The following ARHGEF10L variants were observed in gnomAD, a reference collection of about 807,000 sequenced individuals.
ARHGEF10L encodes rho guanine nucleotide exchange factor 10-like protein.
Under a neutral mutation model 141.2 loss-of-function variants are expected in ARHGEF10L, and 69 were observed. The observed-to-expected ratio is 0.49, with a 90% CI of 0.40 to 0.60. The LOEUF (loss-of-function observed/expected upper bound fraction) is 0.60. Among genes scored for constraint, ARHGEF10L ranks in the 20% least tolerant of loss-of-function variants. The pLI, the probability that ARHGEF10L is intolerant of heterozygous loss-of-function variation, is 0.00. For synonymous variants in ARHGEF10L, 711 were observed against 718.5 expected (o/e 0.99, Z 0.17); for missense variants, 1,482 against 1,734.3 (o/e 0.85, Z 2.58).
intron 26 of ARHGEF10L, among the ~76,000 whole-genome samples, chr1:17,666,999 T>G (rs2063025450): frequency 6.6e-6 from 1 of 151,818 alleles, no homozygotes; most frequent in Non-Finnish European, 1.5e-5. Context: ...AGGAAGGACA[T>G]GTCTGACCCC....
At chr1:17,555,303 A>T (rs1445322283) in intron 1 of ARHGEF10L, among the ~76,000 whole-genome samples, 2 of 151,404 alleles carry the variant, frequency 1.3e-5, no homozygotes, top group Non-Finnish European at 2.9e-5. Context: ...CAGGGCACAG[A>T]TGTTTCCCCA....
At position 17,696,935 on chromosome 1, in the gene ARHGEF10L, G is replaced by A. The variant is rs765652001; in HGVS notation, c.3395G>A (p.Arg1132Gln). 28 of 1,612,434 alleles carry A rather than the reference G, an allele frequency of 1.7e-5. No individual in the cohort carries two copies. Among genetic ancestry groups the A allele is most frequent in the East Asian group, 4.5e-5 (2 of 44,848 alleles). The change falls in exon 29 of 29, where the codon CGG (arginine) becomes CAG (glutamine). Residue 1132 changes from arginine (R) to glutamine (Q), a missense_variant. This residue lies in a region of ARHGEF10L where 858 missense variants were observed against 966.3 expected (regional missense o/e 0.89). Coordinates refer to ENST00000361221, the MANE Select transcript of ARHGEF10L (RefSeq NM_018125.4). ...ATSILAPDILRSDQEEAEGPR... is the reference protein window; with the variant it reads ...ATSILAPDILQSDQEEAEGPR... ...AGCATCCTGGCCCCTGACATCCTGCGGAGTGACCAGGAGGAGGCTGAGGGG... is the reference window on the plus strand; with the variant it reads ...AGCATCCTGGCCCCTGACATCCTGCAGAGTGACCAGGAGGAGGCTGAGGGG...
chr1:17,630,936 C>G (rs1477503272), intron 15 of ARHGEF10L, among the ~76,000 whole-genome samples: 1 of 148,812 alleles, frequency 6.7e-6, no homozygotes, highest in Non-Finnish European at 1.5e-5. Flanking sequence ...GTTTTTCTCT[C>G]TGGGGAGGCT....
chr1:17,684,340 C>T (rs1210688027), intron 26 of ARHGEF10L, among the ~76,000 whole-genome samples: 3 of 152,188 alleles, frequency 2.0e-5, no homozygotes, highest in Non-Finnish European at 4.4e-5. Context: ...AAAGCCAGGA[C>T]GGCCCGGGCT....
chr1:17,669,691 G>A (rs181999236), intron 26 of ARHGEF10L, among the ~76,000 whole-genome samples: 2 of 152,312 alleles, frequency 1.3e-5, no homozygotes, highest in Admixed American at 1.3e-4. Context: ...CCATGAGCAC[G>A]CCTTCCGGGC....
chr1:17,523,684 C>T, the ARHGEF10L span, among the ~76,000 whole-genome samples: 1 of 152,204 alleles, frequency 6.6e-6, no homozygotes, highest in Admixed American at 6.5e-5. Flanking sequence ...ATTTCCTGCT[C>T]TTCCCACTCA....
At chr1:17,590,822 A>G (rs1285734776) in intron 4 of ARHGEF10L, among the ~76,000 whole-genome samples, 2 of 152,156 alleles carry the variant, frequency 1.3e-5, no homozygotes, top group Non-Finnish European at 2.9e-5. Flanking sequence ...CCCCGTCTCT[A>G]CAGAAAATAC....
chr1:17,624,595 A>G, intron 13 of ARHGEF10L, 92 bp downstream of exon 13: 1 of 1,014,604 alleles, frequency 9.9e-7, no homozygotes, highest in Non-Finnish European at 1.6e-6. Context: ...TTTGGGTATG[A>G]CATCATAGCT....
At chr1:17,631,159 G>C (rs1273831150) in intron 15 of ARHGEF10L, among the ~76,000 whole-genome samples, 1 of 152,118 alleles carries the variant, frequency 6.6e-6, no homozygotes, top group Non-Finnish European at 1.5e-5. Flanking sequence ...GGGAGGCTCG[G>C]GGTGATCTGT....
chr1:17,579,988 C>T (rs957644409), intron 1 of ARHGEF10L, among the ~76,000 whole-genome samples: 1 of 152,266 alleles, frequency 6.6e-6, no homozygotes, highest in African/African-American at 2.4e-5. Flanking sequence ...GGAGCCATTG[C>T]TTTCCTCACA....
chr1:17,647,816 G>A (rs2061687254), intron 21 of ARHGEF10L, among the ~76,000 whole-genome samples: 1 of 152,142 alleles, frequency 6.6e-6, no homozygotes, highest in Admixed American at 6.5e-5. Flanking sequence ...TGTGAGCAGA[G>A]CCCCGAGCCA....
the ARHGEF10L span, among the ~76,000 whole-genome samples, chr1:17,518,763 A>C: frequency 3.6e-3 from 508 of 140,614 alleles, 3 homozygotes; most frequent in African/African-American, 0.012. Context: ...AGTGGAACCC[A>C]CTGCATTCCA....
At chr1:17,653,172 T>C (rs1425959452) in intron 22 of ARHGEF10L, among the ~76,000 whole-genome samples, 1 of 152,142 alleles carries the variant, frequency 6.6e-6, no homozygotes, top group Non-Finnish European at 1.5e-5. Context: ...GGGTCTCTGC[T>C]CTGTAGGTGA....
chr1:17,654,587 C>T lies in ARHGEF10L; in HGVS notation c.2395-49C>T. The T allele has an allele frequency of 6.5e-7, 1 of 1,538,768 alleles. No individual in the cohort carries two copies. ...CCAGGAATCTGCCAAATATTGGCAT[C>T]TGGGCACCTTGATGATTAACCTCAC... is the stretch of plus-strand genomic sequence containing the variant. On this transcript the variant is annotated intron_variant, in intron 22 of 28. Coordinates refer to ENST00000361221, the MANE Select transcript of ARHGEF10L (RefSeq NM_018125.4). This position sits in a 1 kb window ranked among gnomAD's most constrained non-coding sequence, Gnocchi z 4.3.
chr1:17,642,004 A>T (rs2061355708), intron 21 of ARHGEF10L, among the ~76,000 whole-genome samples: 1 of 151,996 alleles, frequency 6.6e-6, no homozygotes, highest in Non-Finnish European at 1.5e-5. Flanking sequence ...AAAAAAAGAA[A>T]AAAAAAAGAA....
intron 1 of ARHGEF10L, among the ~76,000 whole-genome samples, chr1:17,552,245 T>G (rs955228267): frequency 2.6e-5 from 4 of 152,132 alleles, no homozygotes; most frequent in Non-Finnish European, 5.9e-5. Context: ...TGCTATGAGC[T>G]CTGTCACTTT....
intron 26 of ARHGEF10L, among the ~76,000 whole-genome samples, chr1:17,677,212 A>G (rs1038699023): frequency 1.3e-5 from 2 of 152,186 alleles, no homozygotes; most frequent in Non-Finnish European, 2.9e-5. Context: ...GGGCTCAGCC[A>G]GGGACCTGAT....
intron 25 of ARHGEF10L, among the ~76,000 whole-genome samples, chr1:17,659,424 C>T (rs998529437): frequency 1.1e-4 from 16 of 152,212 alleles, no homozygotes; most frequent in African/African-American, 3.1e-4. Context: ...GGATTACATG[C>T]GGCCAGGTCT....
At position 17,634,542 on chromosome 1, in the gene ARHGEF10L, T is replaced by C. The variant is rs761047124; in HGVS notation, c.1731-6T>C. The C allele has an allele frequency of 1.2e-5, 20 of 1,614,128 alleles. No homozygotes were observed. The highest frequency in any genetic ancestry group is 1.7e-5 in the Non-Finnish European group (20 of 1,179,992). On this transcript the variant is annotated splice_region_variant and splice_polypyrimidine_tract_variant and intron_variant, in intron 16 of 28. Coordinates refer to ENST00000361221, the MANE Select transcript of ARHGEF10L (RefSeq NM_018125.4). ...ATCTCCCTTTCCTTCTTGTCTTTTTTCCCAGGCCTGCCAACCACAGGTACG... is the reference window on the plus strand; with the variant it reads ...ATCTCCCTTTCCTTCTTGTCTTTTTCCCCAGGCCTGCCAACCACAGGTACG...
Sources: allele counts gnomAD v4.1 joint callset (sites outside exome capture counted in the v4.1 genomes callset), GRCh38; gene constraint gnomAD v4.1.1; regional missense constraint gnomAD v4.1.1; non-coding constraint Gnocchi (gnomAD v3.1); transcripts MANE v1.5; gene names NCBI Gene and HGNC (gene_info 2026-07-23, HGNC 2026-07-21).